Variants in ZNF358 observed in about 807,000 individuals in gnomAD.
The protein encoded by ZNF358 is zinc finger protein 358.
Under a neutral mutation model 2.1 loss-of-function variants are expected in ZNF358, and 1 was observed. That is an observed-to-expected ratio of 0.49 (90% CI 0.17 to 2.30). ZNF358 has a LOEUF of 2.30. ZNF358 is among the 30% of genes most tolerant of loss of function. ZNF358 has a pLI of 0.26. For missense variants in ZNF358, 665 were observed against 806.8 expected (o/e 0.82, Z 2.13); for synonymous variants, 381 against 359.7 (o/e 1.06, Z -0.67).
chr19:7,519,064 C>CAAAAAAA (rs397859220), intron 1 of ZNF358, 141 bp from the exon 2 acceptor site: 7 of 577,522 alleles, frequency 1.2e-5, no homozygotes, highest in African/African-American at 1.1e-4. Flanking sequence ...GACCCCATCT[C>CAAAAAAA]AAAAAAAAAA....
Position 7,520,418 on chromosome 19 carries a change from G to A in ZNF358, c.1176G>A (p.Lys392=), listed in dbSNP as rs766666996. 2.2e-5 allele frequency: 32 copies of A among 1,472,638 alleles called. No individual in the cohort carries two copies. Among genetic ancestry groups the A allele is most frequent in the Non-Finnish European group, 2.3e-5 (25 of 1,092,348 alleles). 91.2% of individuals were successfully genotyped at this position (1,472,638 alleles called of 1,614,324 possible). A position where few individuals can be genotyped will look rare whatever the true frequency, so the allele number is the denominator to read the frequency against. ...KAFGQASSLT[K]HKRVHEGAAA... ...TCGGCCAGGCCTCCAGCCTCACCAA[G>A]CACAAACGGGTGCATGAGGGTGCAG... Residue 392 remains lysine (K), a synonymous_variant, in exon 2 of 2, where the codon AAG becomes AAA. Coordinates refer to ENST00000597229, the MANE Select transcript of ZNF358 (RefSeq NM_018083.5). The surrounding 1 kb of genome is among the most constrained non-coding windows in gnomAD (Gnocchi z 6.0).
chr19:7,518,573 A>AAG (rs1568394076), intron 1 of ZNF358, among the ~76,000 whole-genome samples: 1 of 145,954 alleles, frequency 6.9e-6, no homozygotes, highest in Non-Finnish European at 1.5e-5. Flanking sequence ...GAAAGAAAGA[A>AAG]AGAAAGAAAG....
At chr19:7,515,938 G>T (rs1487925322), upstream of ZNF358, among the ~76,000 whole-genome samples, 1 of 152,048 alleles carries the variant, frequency 6.6e-6, no homozygotes, top group East Asian at 1.9e-4. Context: ...GGCCAGGGCT[G>T]CGTGCGGGCG....
chr19:7,519,153 C>G, intron 1 of ZNF358, 52 bp from the exon 2 acceptor site: 3 of 1,516,724 alleles, frequency 2.0e-6, no homozygotes, highest in Non-Finnish European at 2.6e-6. Context: ...AAAAGACACC[C>G]CCGCTCCCAC....
In ZNF358 at chr19:7,516,201, C is replaced by T. The variant is rs1488921435; in HGVS notation, c.-87C>T. ...GGCTTCCTGCGGGCCCGGGGGGAGC[C>T]GGCGGCCGGCGCGGGCGCGGCGGGC... is the stretch of plus-strand genomic sequence containing the variant. On this transcript the variant is annotated 5_prime_UTR_variant, in exon 1 of 2. Coordinates refer to ENST00000597229, the MANE Select transcript of ZNF358 (RefSeq NM_018083.5). The surrounding 1 kb of genome is among the most constrained non-coding windows in gnomAD (Gnocchi z 5.9). 7.4e-6 allele frequency: 1 copy of T among 134,804 alleles called. No homozygotes were observed. Among genetic ancestry groups the T allele is most frequent in the African/African-American group, 2.7e-5 (1 of 37,122 alleles). 8.4% of individuals were successfully genotyped at this position (134,804 alleles called of 1,614,324 possible). A position where few individuals can be genotyped will look rare whatever the true frequency, so the allele number is the denominator to read the frequency against.
In ZNF358 at chr19:7,520,432, A is replaced by G; in HGVS notation, c.1190A>G (p.His397Arg). 2 of 1,426,034 alleles carry G rather than the reference A, an allele frequency of 1.4e-6. No homozygotes were observed. Among genetic ancestry groups the G allele is most frequent in the Non-Finnish European group, 9.4e-7 (1 of 1,060,260 alleles). 88.3% of individuals were successfully genotyped at this position (1,426,034 alleles called of 1,614,324 possible). ...AGCCTCACCAAGCACAAACGGGTGC[A>G]TGAGGGTGCAGCCGCTGCTGCAGCT... is the stretch of plus-strand genomic sequence containing the variant. ...ASSLTKHKRV[H>R]EGAAAAAAAA... is the part of the protein sequence containing the mutation. Residue 397 changes from histidine (H) to arginine (R), a missense_variant, in exon 2 of 2, where the codon CAT (histidine) becomes CGT (arginine). By Grantham distance (29) the His-to-Arg change is conservative. Around this residue, in one of 3 missense-constraint regions of ZNF358, gnomAD observed 210 missense variants for 350.8 expected, o/e 0.60. Coordinates refer to ENST00000597229, the MANE Select transcript of ZNF358 (RefSeq NM_018083.5). This position sits in a 1 kb window ranked among gnomAD's most constrained non-coding sequence, Gnocchi z 6.0.
In ZNF358 at chr19:7,520,119, T is replaced by A; in HGVS notation, c.877T>A (p.Cys293Ser). ...GCACACGGGCGAGCGGCCCTACCCGTGTCCGCAGTGCGGCAAGGCCTTCGG... is the reference window on the plus strand; with the variant it reads ...GCACACGGGCGAGCGGCCCTACCCGAGTCCGCAGTGCGGCAAGGCCTTCGG... ...RTHTGERPYP[C>S]PQCGKAFGQS... The change falls in exon 2 of 2, where the codon TGT becomes AGT. Residue 293 changes from cysteine to serine, a missense_variant. Coordinates refer to ENST00000597229, the MANE Select transcript of ZNF358 (RefSeq NM_018083.5). This position sits in a 1 kb window ranked among gnomAD's most constrained non-coding sequence, Gnocchi z 6.0. 2 of 1,597,496 alleles carry A rather than the reference T, an allele frequency of 1.3e-6. No homozygotes were observed. The highest frequency in any genetic ancestry group is 1.7e-6 in the Non-Finnish European group (2 of 1,177,808).
chr19:7,520,440 G>A lies in ZNF358; in HGVS notation c.1198G>A (p.Ala400Thr). 1 of 1,541,466 alleles carries A rather than the reference G, an allele frequency of 6.5e-7. No individual in the cohort carries two copies. Residue 400 changes from alanine (A) to threonine (T), a missense_variant, in exon 2 of 2, where the codon GCA (alanine) becomes ACA (threonine). By Grantham distance (58) the Ala-to-Thr change is moderately conservative. Around this residue, in one of 3 missense-constraint regions of ZNF358, gnomAD observed 249 missense variants for 227.6 expected, o/e 1.09. Transcript: ENST00000597229. The surrounding 1 kb of genome is among the most constrained non-coding windows in gnomAD (Gnocchi z 6.0). ...CAAGCACAAACGGGTGCATGAGGGT[G>A]CAGCCGCTGCTGCAGCTGCCGCGGC... Reference protein sequence around the residue: ...LTKHKRVHEGAAAAAAAAAAA... With the variant: ...LTKHKRVHEGTAAAAAAAAAA...
upstream of ZNF358, chr19:7,515,501 G>A (rs2022324039): frequency 6.6e-6 from 1 of 152,252 alleles, no homozygotes; most frequent in African/African-American, 2.4e-5. Flanking sequence ...ATGCAAAAAG[G>A]AAAAATTGGA....
Position 7,520,745 on chromosome 19 carries a change from C to T in ZNF358, c.1503C>T (p.Asp501=), listed in dbSNP as rs772477034. Residue 501 remains aspartate (D), a synonymous_variant, in exon 2 of 2, where the codon GAC becomes GAT. Coordinates refer to ENST00000597229, the MANE Select transcript of ZNF358 (RefSeq NM_018083.5). The surrounding 1 kb of genome is among the most constrained non-coding windows in gnomAD (Gnocchi z 6.0). ...CTTCTGACCCAAAGGCTGGGCACGACGCTGGTCCCGACCTTGTGCCCAGCC... is the reference window on the plus strand; with the variant it reads ...CTTCTGACCCAAAGGCTGGGCACGATGCTGGTCCCGACCTTGTGCCCAGCC... ...VESSDPKAGH[D]AGPDLVPSPD... 9.3e-6 allele frequency: 15 copies of T among 1,613,958 alleles called. No homozygotes were observed. The East Asian group carries it at 1.8e-4, about 19-fold the overall frequency.
rs1455753853 is a variant in ZNF358, at chr19:7,516,403, C to T, written c.-39+154C>T. 2.6e-5 allele frequency among the ~76,000 whole-genome samples: 4 copies of T among 151,046 alleles called. No homozygotes were observed. Among genetic ancestry groups the T allele is most frequent in the Non-Finnish European group, 4.4e-5 (3 of 67,670 alleles). ...GGCCCTGGCCCAGGCGAGCGGGGGT[C>T]GCGGGAGCGATGGGGAGGGGACTCT... On this transcript the variant is annotated intron_variant, in intron 1 of 1. Coordinates refer to ENST00000597229, the MANE Select transcript of ZNF358 (RefSeq NM_018083.5). This position sits in a 1 kb window ranked among gnomAD's most constrained non-coding sequence, Gnocchi z 5.9.
intron 1 of ZNF358, 64 bp from the exon 2 acceptor site, chr19:7,519,141 C>T: frequency 6.6e-7 from 1 of 1,505,316 alleles, no homozygotes; most frequent in Non-Finnish European, 8.8e-7. Context: ...TAACCAGACT[C>T]CAAAAGACAC....
upstream of ZNF358, chr19:7,514,077 T>C (rs1166356583): frequency 6.6e-6 from 1 of 152,206 alleles, no homozygotes; most frequent in Non-Finnish European, 1.5e-5. Flanking sequence ...TACATCTTGG[T>C]GCATATTGTC....
intron 1 of ZNF358, among the ~76,000 whole-genome samples, chr19:7,517,232 C>G (rs1264969495): frequency 3.3e-5 from 5 of 152,038 alleles, no homozygotes; most frequent in South Asian, 2.1e-4. Context: ...CAGTCTGCCC[C>G]TAGCCACAAG....
In ZNF358 at chr19:7,520,688, C is replaced by A. The variant is rs758071669; in HGVS notation, c.1446C>A (p.Ser482=). Residue 482 remains serine (S), a synonymous_variant, in exon 2 of 2, where the codon TCC becomes TCA. Transcript: ENST00000597229. This position sits in a 1 kb window ranked among gnomAD's most constrained non-coding sequence, Gnocchi z 6.0. ...CCAGCTCCAAACCCCTCCCCGGCTC[C>A]AGATCCACCCCCAGCCCTACTCCTG... ...PDPSSKPLPG[S]RSTPSPTPVE... is the part of the protein sequence containing the mutation. 1 of 1,613,506 alleles carries A rather than the reference C, an allele frequency of 6.2e-7. No individual in the cohort carries two copies. Among genetic ancestry groups the A allele is most frequent in the Non-Finnish European group, 8.5e-7 (1 of 1,179,840 alleles).
Position 7,519,461 on chromosome 19 carries a change from C to G in ZNF358, c.219C>G (p.Pro73=). The part of the protein sequence containing the change: ...DLEPVSEDLD[P]DAEAPGSEPQ... The stretch of plus-strand genomic sequence containing the variant: ...AGCCCGTCTCGGAGGATCTGGACCC[C>G]GACGCCGAAGCTCCGGGCTCGGAAC... The change falls in exon 2 of 2, where the codon CCC becomes CCG. Residue 73 remains proline (P), a synonymous_variant. Transcript: ENST00000597229. The G allele has an allele frequency of 6.2e-7, 1 of 1,614,048 alleles. No individual in the cohort carries two copies. Among genetic ancestry groups the G allele is most frequent in the Non-Finnish European group, 8.5e-7 (1 of 1,180,026 alleles).
upstream of ZNF358, chr19:7,515,148 T>G (rs896501240): frequency 6.6e-6 from 1 of 152,178 alleles, no homozygotes; most frequent in Non-Finnish European, 1.5e-5. Flanking sequence ...GTCTCTATCT[T>G]GGTTCAGACA....
rs1301490753 is a variant in ZNF358 at position 7,520,483 on chromosome 19, C to G, written c.1241C>G (p.Ala414Gly). 2.8e-6 allele frequency: 3 copies of G among 1,084,634 alleles called. No homozygotes were observed. The East Asian group carries it at 8.8e-5, about 32-fold the overall frequency. The allele number at this position is 1,084,634 out of a possible 1,614,324, so 67.2% of individuals were successfully genotyped here. Residue 414 changes from alanine (A) to glycine (G), a missense_variant, in exon 2 of 2, where the codon GCG becomes GGG. Ala to Gly is a moderately conservative substitution (Grantham distance 60). Coordinates refer to ENST00000597229, the MANE Select transcript of ZNF358 (RefSeq NM_018083.5). The surrounding 1 kb of genome is among the most constrained non-coding windows in gnomAD (Gnocchi z 6.0). ...GCCGCGGCCGCTGCAGCTGCAGCAG[C>G]GGCCGCCGGCCTGGGCCTCGGGCCT... ...AAAAAAAAAA[A>G]AAGLGLGPGL...
upstream of ZNF358, among the ~76,000 whole-genome samples, chr19:7,515,004 A>G (rs143489780): frequency 3.9e-4 from 60 of 152,186 alleles, no homozygotes; most frequent in Non-Finnish European, 2.9e-4. Context: ...CTGACTAGGT[A>G]TTTCAGTGAT....
Sources: gnomAD v4.1 joint callset for allele counts (sites outside exome capture counted in the v4.1 genomes callset) on GRCh38, gnomAD v4.1.1 for gene constraint, gnomAD v4.1.1 regional missense constraint, Gnocchi (gnomAD v3.1) non-coding constraint, MANE v1.5 for transcripts, NCBI Gene and HGNC (gene_info 2026-07-23, HGNC 2026-07-21) for gene names.